DOP1A: variants seen among roughly 807,000 people sequenced by gnomAD.
DOP1A encodes DOP1 leucine zipper like protein A.
In DOP1A, 90 loss-of-function variants were observed where a neutral mutation model predicts 267.6. That is an observed-to-expected ratio of 0.34 (90% CI 0.28 to 0.40). DOP1A has a LOEUF of 0.40. DOP1A is among the 10% of genes least tolerant of loss of function. The pLI is 1.00. For missense variants in DOP1A, 2,437 were observed against 2,900.4 expected (o/e 0.84, Z 3.67); for synonymous variants, 932 against 999.1 (o/e 0.93, Z 1.27).
At chr6:83,135,948 G>A in intron 20 of DOP1A, 70 bp downstream of exon 20, 1 of 1,522,602 alleles carries the variant, frequency 6.6e-7, no homozygotes, top group Non-Finnish European at 8.9e-7. Context: ...GAATACAACA[G>A]TAATTGTTGA....
At chr6:83,150,037 T>G (rs1781333021) in intron 27 of DOP1A, among the ~76,000 whole-genome samples, 1 of 152,162 alleles carries the variant, frequency 6.6e-6, no homozygotes, top group Admixed American at 6.5e-5. Context: ...AAATGCTTAG[T>G]GTGGGAAAGT....
rs921119106 is a variant in DOP1A, at chr6:83,162,785, C to A, written c.6963-5C>A. The A allele has an allele frequency of 6.2e-7, 1 of 1,610,280 alleles. No individual in the cohort carries two copies. The highest frequency in any genetic ancestry group is 8.5e-7 in the Non-Finnish European group (1 of 1,178,068). ...CTGATGCTGATGTCATTATTCTATA[C>A]ATAGGTACCGATGGGCCTTTATTCC... On this transcript the variant is annotated splice_region_variant and splice_polypyrimidine_tract_variant and intron_variant, in intron 37 of 38. Coordinates refer to ENST00000349129, the MANE Select transcript of DOP1A (RefSeq NM_015018.4).
chr6:83,084,412 C>T (rs1422894774), intron 1 of DOP1A, among the ~76,000 whole-genome samples: 2 of 152,328 alleles, frequency 1.3e-5, no homozygotes, highest in East Asian at 1.9e-4. Flanking sequence ...CACCCAACAA[C>T]ACATCTCAGA....
At chr6:83,068,498 G>C (rs1785074297) in intron 1 of DOP1A, among the ~76,000 whole-genome samples, 1 of 152,134 alleles carries the variant, frequency 6.6e-6, no homozygotes, top group African/African-American at 2.4e-5. Flanking sequence ...CACTATCTTA[G>C]AGTTCTATGG....
In DOP1A at chr6:83,140,001, C is replaced by T; in HGVS notation, c.5122C>T (p.Pro1708Ser). ...TTAAATGAATGCATTTTACTTCAGGCCTCTGTGGATGGCATCAATTATTCC... is the reference window on the plus strand; with the variant it reads ...TTAAATGAATGCATTTTACTTCAGGTCTCTGTGGATGGCATCAATTATTCC... ...KYETGLSDSR[P>S]LWMASIIPPD... Residue 1708 changes from proline (P) to serine (S), a missense_variant and splice_region_variant, in exon 22 of 39, where the codon CCT (proline) becomes TCT (serine). Pro to Ser is a moderately conservative substitution (Grantham distance 74, BLOSUM62 -1). Coordinates refer to ENST00000349129, the MANE Select transcript of DOP1A (RefSeq NM_015018.4). The T allele has an allele frequency of 6.2e-7, 1 of 1,608,324 alleles. No individual in the cohort carries two copies.
At chr6:83,079,450 A>G (rs1767702198) in intron 1 of DOP1A, among the ~76,000 whole-genome samples, 1 of 152,166 alleles carries the variant, frequency 6.6e-6, no homozygotes, top group African/African-American at 2.4e-5. Context: ...ACAGATATTC[A>G]GTTAAATTGG....
In DOP1A at chr6:83,128,845, C is replaced by G. The variant is rs112552168; in HGVS notation, c.1720-42C>G. ...TCATTTCTAATTCCTAATATGTACA[C>G]TTTGCTACTCAGCCTTTTGTTTTCT... On this transcript the variant is annotated intron_variant, in intron 15 of 38. Transcript: ENST00000349129. 8 of 1,510,080 alleles carry G rather than the reference C, an allele frequency of 5.3e-6. No homozygotes were observed. The African/African-American group carries it at 9.8e-5, about 18-fold the overall frequency. The allele number at this position is 1,510,080 out of a possible 1,614,324, so 93.5% of individuals were successfully genotyped here.
chr6:83,152,479 T>C, intron 30 of DOP1A, 112 bp downstream of exon 30: 1 of 443,508 alleles, frequency 2.3e-6, no homozygotes. Context: ...TTTGTGCTTC[T>C]AGAAATCACT....
rs1328953607 is a variant in DOP1A, at chr6:83,129,142, C to G, written c.1975C>G (p.Gln659Glu). ...CATCCAGACCCCTTCCGTAGTCACT[C>G]AGGGGACAGCAACCCGAAGTAGGAA... ...TIIQTPSVVTQGTATRSRKTA... is the reference protein window; with the variant it reads ...TIIQTPSVVTEGTATRSRKTA... Residue 659 changes from glutamine to glutamate, a missense_variant, in exon 16 of 39, where the codon CAG (glutamine) becomes GAG (glutamate). This residue lies in a region of DOP1A where 498 missense variants were observed against 513.5 expected (regional missense o/e 0.97). Transcript: ENST00000349129. 6.2e-7 allele frequency: 1 copy of G among 1,613,306 alleles called. No homozygotes were observed. Among genetic ancestry groups the G allele is most frequent in the Non-Finnish European group, 8.5e-7 (1 of 1,179,704 alleles).
Position 83,168,149 on chromosome 6 carries a change from AG to A in DOP1A, c.7383del (p.Met2462Ter), listed in dbSNP as rs761252438. On this transcript the variant is annotated frameshift_variant, in exon 39 of 39. Coordinates refer to ENST00000349129, the MANE Select transcript of DOP1A (RefSeq NM_015018.4). LOFTEE classifies it high-confidence loss of function. ...AGATGGTAGAAAAAGATTTTCTGGA[AG>A]GGATGATAAAAACTTGAGCACCATT... Reference protein sequence around the residue: ...EEMVEKDFLEGMIKT With the variant: ...EEMVEKDFLEXMIKT The A allele has an allele frequency of 6.2e-7, 1 of 1,612,290 alleles. No individual in the cohort carries two copies.
At chr6:83,141,195 C>T (rs1409864586) in intron 23 of DOP1A, among the ~76,000 whole-genome samples, 4 of 152,010 alleles carry the variant, frequency 2.6e-5, no homozygotes, top group African/African-American at 7.2e-5. Context: ...CTCAAAAGCT[C>T]AGTGAAACAG....
intron 1 of DOP1A, among the ~76,000 whole-genome samples, chr6:83,083,329 G>T (rs1028464765): frequency 6.7e-6 from 1 of 150,268 alleles, no homozygotes; most frequent in Non-Finnish European, 1.5e-5. Flanking sequence ...TTCTAAGAAA[G>T]AAATCTATAT....
At chr6:83,155,892 C>A (rs200516669) in intron 33 of DOP1A, 59 bp from the exon 34 acceptor site, 7 of 1,559,118 alleles carry the variant, frequency 4.5e-6, no homozygotes, top group Middle Eastern at 1.7e-4. Flanking sequence ...TTTTAAAAAA[C>A]AACAGAATAA....
chr6:83,162,253 TTTAC>T (rs1395655532), intron 37 of DOP1A, among the ~76,000 whole-genome samples: 3 of 152,138 alleles, frequency 2.0e-5, no homozygotes, highest in South Asian at 2.1e-4. Flanking sequence ...GGATATTACT[TTTAC>T]TTACTTATGA....
intron 17 of DOP1A, among the ~76,000 whole-genome samples, chr6:83,131,761 G>A (rs1195127645): frequency 3.3e-5 from 5 of 151,826 alleles, no homozygotes; most frequent in South Asian, 2.1e-4. Context: ...TCAGCCTCCC[G>A]AGTAGCTGGG....
chr6:83,123,447 C>T (rs557135268), intron 12 of DOP1A, among the ~76,000 whole-genome samples: 1 of 152,114 alleles, frequency 6.6e-6, no homozygotes, highest in South Asian at 2.1e-4. Context: ...AAAATATGGT[C>T]TGAAAACCCT....
chr6:83,146,948 A>T (rs572647848), intron 25 of DOP1A, among the ~76,000 whole-genome samples: 2 of 152,110 alleles, frequency 1.3e-5, no homozygotes, highest in Non-Finnish European at 2.9e-5. Context: ...AGAGTACATG[A>T]ATCATTTAAA....
chr6:83,157,132 T>C lies in DOP1A; in HGVS notation c.6605-50T>C, dbSNP rs771633916. 4.4e-6 allele frequency: 7 copies of C among 1,582,272 alleles called. No homozygotes were observed. The South Asian group carries it at 8.1e-5, about 18-fold the overall frequency. On this transcript the variant is annotated intron_variant, in intron 34 of 38. Transcript: ENST00000349129. ...ACTGGACCGACAATATAGAAAGTTT[T>C]ATGTGATAAAGATTATTTAGTTATT...
At chr6:83,076,130 T>TA (rs796329059) in intron 1 of DOP1A, among the ~76,000 whole-genome samples, 5 of 152,334 alleles carry the variant, frequency 3.3e-5, no homozygotes, top group African/African-American at 1.2e-4. Flanking sequence ...GAGCTACTCT[T>TA]ACAGTTCAAT....
Sources: gnomAD v4.1 joint callset for allele counts (sites outside exome capture counted in the v4.1 genomes callset) on GRCh38, gnomAD v4.1.1 for gene constraint, gnomAD v4.1.1 regional missense constraint, MANE v1.5 for transcripts, NCBI Gene and HGNC (gene_info 2026-07-23, HGNC 2026-07-21) for gene names.